EPG5: variants seen among roughly 807,000 people sequenced by gnomAD.
The protein encoded by EPG5 is ectopic P granules protein 5 homolog.
Under a neutral mutation model 302.7 loss-of-function variants are expected in EPG5, and 159 were observed. That is an observed-to-expected ratio of 0.53 (90% CI 0.46 to 0.60). The LOEUF (loss-of-function observed/expected upper bound fraction) is 0.60, where lower values mean the gene tolerates loss of function less well. EPG5 is among the 20% of genes least tolerant of loss of function. The pLI is 0.00. For synonymous variants in EPG5, 1,158 were observed against 1,136.8 expected, an observed-to-expected ratio of 1.02 and a Z score of -0.37; for missense variants, 2,896 against 3,092.4, an observed-to-expected ratio of 0.94 and a Z score of 1.51.
At chr18:45,818,541 T>C in the EPG5 span, among the ~76,000 whole-genome samples, 1 of 152,180 alleles carries the variant, frequency 6.6e-6, no homozygotes, top group Non-Finnish European at 1.5e-5. Flanking sequence ...TCATCATCCA[T>C]TGAATTTGCA....
the EPG5 span, among the ~76,000 whole-genome samples, chr18:45,812,333 C>A: frequency 5.5e-4 from 83 of 152,234 alleles, no homozygotes; most frequent in Non-Finnish European, 1.0e-3. Flanking sequence ...GTGAAAATGG[C>A]CACACTGTCC....
intron 36 of EPG5, 73 bp downstream of exon 36, chr18:45,870,494 C>A (rs1054202150): frequency 1.0e-5 from 14 of 1,385,812 alleles, no homozygotes; most frequent in African/African-American, 8.5e-5. Flanking sequence ...CTATGCCTAA[C>A]AACCACAGTG....
intron 39 of EPG5, among the ~76,000 whole-genome samples, chr18:45,863,712 T>C (rs1189991761): frequency 1.3e-5 from 2 of 152,230 alleles, no homozygotes; most frequent in Non-Finnish European, 2.9e-5. Context: ...ATTGAAGTTG[T>C]TATCCCACTG....
intron 28 of EPG5, 32 bp downstream of exon 28, chr18:45,889,766 G>A: frequency 6.3e-7 from 1 of 1,585,592 alleles, no homozygotes; most frequent in Non-Finnish European, 8.6e-7. Flanking sequence ...TAACAAAACA[G>A]TATTTCAAAT....
the EPG5 span, among the ~76,000 whole-genome samples, chr18:45,818,256 A>T: frequency 2.2e-4 from 32 of 148,222 alleles, no homozygotes; most frequent in East Asian, 2.6e-3. Flanking sequence ...GGAAGATTTT[A>T]TTTTTTTTTT....
At chr18:45,926,495 G>C (rs2050271290) in intron 13 of EPG5, among the ~76,000 whole-genome samples, 1 of 152,102 alleles carries the variant, frequency 6.6e-6, no homozygotes, top group Non-Finnish European at 1.5e-5. Flanking sequence ...AAAGTCTACA[G>C]CACTACTTTT....
the EPG5 span, among the ~76,000 whole-genome samples, chr18:45,820,937 C>T: frequency 1.3e-5 from 2 of 152,168 alleles, no homozygotes; most frequent in African/African-American, 2.4e-5. Flanking sequence ...GGACAACGTA[C>T]ATGAGGTATA....
At chr18:45,939,780 G>A (rs770957642) in intron 9 of EPG5, 25 bp from the exon 10 acceptor site, 2 of 1,600,584 alleles carry the variant, frequency 1.2e-6, no homozygotes, top group Non-Finnish European at 1.7e-6. Flanking sequence ...AGATAATACA[G>A]TACTTTTCAT....
the EPG5 span, chr18:45,837,639 T>C: frequency 1.5e-3 from 2,209 of 1,507,300 alleles, no homozygotes; most frequent in Non-Finnish European, 1.9e-3. Flanking sequence ...CTGACGGCCA[T>C]CTGGCGCGCG....
In EPG5 at chr18:45,916,600, G is replaced by A; in HGVS notation, c.3240-18C>T. The stretch of plus-strand genomic sequence containing the variant: ...ATAAAAACCTGCCAAGCACACAGGA[G>A]GACGCACTTTACCTTCCGATCAGAA... On this transcript the variant is annotated intron_variant, in intron 17 of 43. Coordinates refer to ENST00000282041, the MANE Select transcript of EPG5 (RefSeq NM_020964.3). The A allele has an allele frequency of 6.3e-7, 1 of 1,580,466 alleles. No individual in the cohort carries two copies. Among genetic ancestry groups the A allele is most frequent in the South Asian group, 1.1e-5 (1 of 88,808 alleles).
chr18:45,806,419 C>A, the EPG5 span, among the ~76,000 whole-genome samples: 1 of 152,072 alleles, frequency 6.6e-6, no homozygotes, highest in Non-Finnish European at 1.5e-5. Flanking sequence ...ATTTTTGCTC[C>A]AGAATGACTG....
chr18:45,943,208 AT>A lies in EPG5; in HGVS notation c.1895del (p.Asn632IlefsTer9). ...TCACAAACTGCCTATAGCGTGCTCTATTAAAGGTTTCTAACCCCACAGCCAG... is the reference window on the plus strand; with the variant it reads ...TCACAAACTGCCTATAGCGTGCTCTATAAAGGTTTCTAACCCCACAGCCAG... ...ELLAVGLETF[N>X]RARYRQFVKR... On this transcript the variant is annotated frameshift_variant, in exon 9 of 44. Transcript: ENST00000282041. LOFTEE classifies it high-confidence loss of function. 6.2e-7 allele frequency: 1 copy of A among 1,614,192 alleles called. No homozygotes were observed. The highest frequency in any genetic ancestry group is 8.5e-7 in the Non-Finnish European group (1 of 1,180,026).
chr18:45,882,604 A>C (rs1043060732), intron 30 of EPG5, 117 bp from the exon 31 acceptor site: 10 of 721,610 alleles, frequency 1.4e-5, no homozygotes, highest in Non-Finnish European at 2.2e-5. Context: ...TTTTATAAAA[A>C]TTGAAATTAA....
intron 14 of EPG5, 21 bp downstream of exon 14, chr18:45,925,717 G>C (rs1379996583): frequency 6.9e-7 from 1 of 1,444,166 alleles, no homozygotes; most frequent in Non-Finnish European, 9.1e-7. Flanking sequence ...CCAGTCTCCA[G>C]GGAATGGTTT....
the EPG5 span, chr18:45,842,188 G>A: frequency 3.1e-6 from 5 of 1,614,156 alleles, no homozygotes; most frequent in Non-Finnish European, 4.2e-6. Context: ...CTCACCGTGA[G>A]GAGTCCCTCA....
chr18:45,858,268 T>C (rs2048559105), intron 41 of EPG5, among the ~76,000 whole-genome samples, 200 bp from the exon 42 acceptor site: 1 of 152,200 alleles, frequency 6.6e-6, no homozygotes, highest in African/African-American at 2.4e-5. Context: ...TGTGATGAAC[T>C]TCGTGTTCTT....
At position 45,889,837 on chromosome 18, in the gene EPG5, T is replaced by C; in HGVS notation, c.4913A>G (p.Asn1638Ser). 1 of 1,612,126 alleles carries C rather than the reference T, an allele frequency of 6.2e-7. No individual in the cohort carries two copies. The highest frequency in any genetic ancestry group is 8.5e-7 in the Non-Finnish European group (1 of 1,179,086). ...QAEAAKPPSL[N>S]IVEAAVHAEN... ...TGCATGTACAGCAGCTTCCACAATATTAAGTGATGGTGGTTTAGCAGCTTC... is the reference window on the plus strand; with the variant it reads ...TGCATGTACAGCAGCTTCCACAATACTAAGTGATGGTGGTTTAGCAGCTTC... Residue 1638 changes from asparagine (N) to serine (S), a missense_variant, in exon 28 of 44, where the codon AAT (asparagine) becomes AGT (serine). By Grantham distance (46) the Asn-to-Ser change is conservative (BLOSUM62 1). Around this residue, in one of 5 missense-constraint regions of EPG5, gnomAD observed 790 missense variants for 798.0 expected, o/e 0.99. Transcript: ENST00000282041.
At chr18:45,803,155 T>G in the EPG5 span, among the ~76,000 whole-genome samples, 1 of 152,288 alleles carries the variant, frequency 6.6e-6, no homozygotes, top group Non-Finnish European at 1.5e-5. Context: ...AAACCTATCA[T>G]TTGAGACATT....
chr18:45,807,345 GC>G, the EPG5 span, among the ~76,000 whole-genome samples: 9 of 152,158 alleles, frequency 5.9e-5, no homozygotes, highest in African/African-American at 2.2e-4. Flanking sequence ...CTAGGGCCCT[GC>G]CCACCACCTG....
Sources: gnomAD v4.1 joint callset for allele counts (sites outside exome capture counted in the v4.1 genomes callset) on GRCh38, gnomAD v4.1.1 for gene constraint, gnomAD v4.1.1 regional missense constraint, MANE v1.5 for transcripts, NCBI Gene and HGNC (gene_info 2026-07-23, HGNC 2026-07-21) for gene names.